Variants in ABCB5 observed in about 807,000 individuals in gnomAD.
ABCB5 encodes ATP-binding cassette sub-family B member 5.
In ABCB5, 155 loss-of-function variants were observed where a neutral mutation model predicts 144.2. That is an observed-to-expected ratio of 1.08 (90% CI 0.94 to 1.23). The LOEUF is 1.23. Among genes scored for constraint, ABCB5 ranks in the 50% most tolerant of loss-of-function variants. ABCB5 has a pLI of 0.00. For missense variants in ABCB5, 1,830 were observed against 1,520.8 expected, an observed-to-expected ratio of 1.20 and a Z score of -3.38; for synonymous variants, 610 against 528.6, an observed-to-expected ratio of 1.15 and a Z score of -2.11.
rs1337135762 is a variant in ABCB5 at position 20,626,563 on chromosome 7, A to G, written c.60A>G (p.Ala20=). The change falls in exon 3 of 28, where the codon GCA becomes GCG. Residue 20 remains alanine, a synonymous_variant. Transcript: ENST00000404938. ...MQENYQRNGT[A]EEQPKLRKEA... ...TTGAACTTTTATTTTCCAGAACTGCAGAAGAACAGCCAAAACTGAGAAAGG... is the reference window on the plus strand; with the variant it reads ...TTGAACTTTTATTTTCCAGAACTGCGGAAGAACAGCCAAAACTGAGAAAGG... The G allele has an allele frequency of 2.5e-6, 4 of 1,606,692 alleles. No homozygotes were observed. Among genetic ancestry groups the G allele is most frequent in the African/African-American group, 1.3e-5 (1 of 74,980 alleles).
chr7:20,658,726 T>C lies in ABCB5; in HGVS notation c.1707+50T>C, dbSNP rs747900970. 2.8e-5 allele frequency: 45 copies of C among 1,592,666 alleles called. No homozygotes were observed. In the East Asian group the frequency reaches 5.4e-4, roughly 19 times the overall value. On this transcript the variant is annotated intron_variant, in intron 14 of 27. Transcript: ENST00000404938. ...TTTCCATACTCCTGGTTCATTATTG[T>C]TTTGAAGTACAAGAAAGTATAGATC...
chr7:20,703,476 G>A (rs1321657801), intron 19 of ABCB5, among the ~76,000 whole-genome samples: 1 of 152,192 alleles, frequency 6.6e-6, no homozygotes, highest in African/African-American at 2.4e-5. Flanking sequence ...TATCATGCCT[G>A]GCTCCTACCA....
rs982440852 is a variant in ABCB5, at chr7:20,755,859, C to G, written c.*235C>G. ...TGCTTATATCCTTCACTTTATAAAA[C>G]TATTCTAGCACATTTGCTTGTAAAG... On this transcript the variant is annotated 3_prime_UTR_variant, in exon 28 of 28. Transcript: ENST00000404938. The G allele has an allele frequency of 9.0e-5, 42 of 464,590 alleles. No homozygotes were observed. Among genetic ancestry groups the G allele is most frequent in the Middle Eastern group, 5.7e-4 (1 of 1,754 alleles). 28.8% of individuals were successfully genotyped at this position (464,590 alleles called of 1,614,324 possible). A position where few individuals can be genotyped will look rare whatever the true frequency, so the allele number is the denominator to read the frequency against.
At chr7:20,623,885 T>G (rs1460366097) in intron 2 of ABCB5, among the ~76,000 whole-genome samples, 1 of 152,214 alleles carries the variant, frequency 6.6e-6, no homozygotes, top group African/African-American at 2.4e-5. Flanking sequence ...TCTATAAAAC[T>G]GGAGAAGATC....
In ABCB5 at chr7:20,749,467, G is replaced by A. The variant is rs1329123428; in HGVS notation, c.3430-3893G>A. On this transcript the variant is annotated intron_variant, in intron 26 of 27. Transcript: ENST00000404938. ...TGCCCAGGCTGGTCTCAAACTCCCG[G>A]CTTCAAGTGATCCACCCGCCTCGGC... is the stretch of plus-strand genomic sequence containing the variant. Among the ~76,000 whole-genome samples, 31 of 137,950 alleles carry A rather than the reference G, an allele frequency of 2.2e-4. 1 individual carries two copies. Among genetic ancestry groups the A allele is most frequent in the African/African-American group, 8.4e-4 (30 of 35,622 alleles). 90.5% of individuals were successfully genotyped at this position (137,950 alleles called of 152,430 possible).
chr7:20,660,337 T>C, intron 14 of ABCB5: 1 of 985,390 alleles, frequency 1.0e-6, no homozygotes, highest in Non-Finnish European at 1.2e-6. Flanking sequence ...AAAATTCATT[T>C]ACTGTCCCTG....
At chr7:20,749,172 CCTCT>C (rs1222832804) in intron 26 of ABCB5, among the ~76,000 whole-genome samples, 3 of 141,704 alleles carry the variant, frequency 2.1e-5, no homozygotes, top group Non-Finnish European at 3.1e-5. Context: ...TCCTTCCTTC[CCTCT>C]CTACTTCCTT....
intron 14 of ABCB5, among the ~76,000 whole-genome samples, chr7:20,668,532 C>T (rs1161834223): frequency 9.7e-4 from 147 of 151,906 alleles, no homozygotes; most frequent in Middle Eastern, 3.4e-3. Context: ...CCGGCAGCCA[C>T]CCCGTCTGGG....
At chr7:20,648,176 C>A in intron 11 of ABCB5, 98 bp downstream of exon 11, 1 of 770,992 alleles carries the variant, frequency 1.3e-6, no homozygotes, top group Non-Finnish European at 2.1e-6. Flanking sequence ...CACTTTTTTC[C>A]AAGATTTTGG....
intron 14 of ABCB5, among the ~76,000 whole-genome samples, chr7:20,676,305 C>T (rs1785605993): frequency 6.6e-6 from 1 of 150,396 alleles, no homozygotes. Flanking sequence ...CTCCCATGCT[C>T]ATTGCATCAT....
intron 20 of ABCB5, among the ~76,000 whole-genome samples, chr7:20,721,113 A>G (rs1336985696): frequency 6.6e-6 from 1 of 152,140 alleles, no homozygotes; most frequent in Non-Finnish European, 1.5e-5. Context: ...GCATTAAACG[A>G]TAGTTATGTA....
At chr7:20,656,189 A>G (rs1279516844) in intron 13 of ABCB5, among the ~76,000 whole-genome samples, 2 of 152,220 alleles carry the variant, frequency 1.3e-5, no homozygotes, top group African/African-American at 2.4e-5. Flanking sequence ...AAAAATTAAA[A>G]CTTACGAAAA....
chr7:20,623,939 G>A (rs1360848128), intron 2 of ABCB5, among the ~76,000 whole-genome samples: 1 of 152,196 alleles, frequency 6.6e-6, no homozygotes, highest in African/African-American at 2.4e-5. Flanking sequence ...TAGCCAGAGA[G>A]GGCATTCCAG....
At chr7:20,656,315 A>G (rs1355143054) in intron 13 of ABCB5, among the ~76,000 whole-genome samples, 2 of 152,202 alleles carry the variant, frequency 1.3e-5, no homozygotes, top group Non-Finnish European at 2.9e-5. Context: ...GACATCATTT[A>G]GAAAACAAAA....
intron 14 of ABCB5, among the ~76,000 whole-genome samples, chr7:20,678,653 T>TG (rs1785689152): frequency 6.6e-6 from 1 of 151,982 alleles, no homozygotes; most frequent in Non-Finnish European, 1.5e-5. Flanking sequence ...AAAAAACACA[T>TG]TACCTCAAGA....
At chr7:20,687,424 T>A (rs992140271) in intron 16 of ABCB5, among the ~76,000 whole-genome samples, 3 of 152,218 alleles carry the variant, frequency 2.0e-5, no homozygotes, top group Admixed American at 6.5e-5. Flanking sequence ...CAATAAAATG[T>A]ATCTAGGCTC....
In ABCB5 at chr7:20,659,812, T is replaced by C. The variant is rs1323187034; in HGVS notation, c.1707+1136T>C. On this transcript the variant is annotated intron_variant, in intron 14 of 27. Transcript: ENST00000404938. ...GATTCTCCTGCCTCAGCCTCCTGAG[T>C]AGCTGGGAGTACAGGCGTGCATCAC... The C allele has an allele frequency of 2.1e-5, 20 of 954,914 alleles. No homozygotes were observed. In the South Asian group the frequency reaches 8.7e-4, roughly 42 times the overall value. 59.2% of individuals were successfully genotyped at this position (954,914 alleles called of 1,614,324 possible).
chr7:20,741,133 C>A (rs1430662243), intron 24 of ABCB5, among the ~76,000 whole-genome samples: 10 of 149,160 alleles, frequency 6.7e-5, no homozygotes, highest in African/African-American at 2.2e-4. Flanking sequence ...AAAGTCTGGT[C>A]AAACAAAATT....
chr7:20,731,443 T>G (rs532679136), intron 23 of ABCB5, among the ~76,000 whole-genome samples: 4 of 151,490 alleles, frequency 2.6e-5, no homozygotes, highest in Non-Finnish European at 5.9e-5. Flanking sequence ...TTGGAGGGCT[T>G]TAGAGCTCCC....
Sources: gnomAD v4.1 joint callset for allele counts (sites outside exome capture counted in the v4.1 genomes callset) on GRCh38, gnomAD v4.1.1 for gene constraint, MANE v1.5 for transcripts, NCBI Gene and HGNC (gene_info 2026-07-23, HGNC 2026-07-21) for gene names.